ATG5: variants seen among roughly 807,000 people sequenced by gnomAD.
The protein encoded by ATG5 is autophagy related 5, also known as autophagy protein 5.
In ATG5, 14 loss-of-function variants were observed where a neutral mutation model predicts 36.5. The observed-to-expected ratio is 0.38, with a 90% CI of 0.25 to 0.60. The LOEUF is 0.60. Among genes scored for constraint, ATG5 ranks in the 20% least tolerant of loss-of-function variants. The probability of loss-of-function intolerance (pLI) is 0.60; values close to 1 mark genes in which losing one functional copy is unlikely to be tolerated. For missense variants in ATG5, 195 were observed against 326.7 expected (o/e 0.60, Z 3.11); for synonymous variants, 95 against 101.5 (o/e 0.94, Z 0.38).
chr6:106,220,767 A>G (rs758098225), intron 6 of ATG5, among the ~76,000 whole-genome samples: 3 of 151,658 alleles, frequency 2.0e-5, no homozygotes, highest in Non-Finnish European at 4.4e-5. Flanking sequence ...AGAAGAACAG[A>G]AAAAAAAATT....
At chr6:106,210,355 C>A (rs1776808954) in intron 6 of ATG5, among the ~76,000 whole-genome samples, 1 of 152,098 alleles carries the variant, frequency 6.6e-6, no homozygotes, top group Non-Finnish European at 1.5e-5. Context: ...GTAATTATTA[C>A]AATGTATAAA....
intron 7 of ATG5, among the ~76,000 whole-genome samples, chr6:106,195,264 A>G (rs969663043): frequency 2.0e-5 from 3 of 152,244 alleles, no homozygotes; most frequent in Admixed American, 6.5e-5. Context: ...ATGGTGCCAC[A>G]TAACTTTTAT....
At chr6:106,193,112 C>A (rs1268879973) in intron 7 of ATG5, among the ~76,000 whole-genome samples, 2 of 152,146 alleles carry the variant, frequency 1.3e-5, no homozygotes. Flanking sequence ...ATCTTAAGAG[C>A]ACACTACATG....
At chr6:106,235,771 T>C (rs1777876681) in intron 6 of ATG5, among the ~76,000 whole-genome samples, 1 of 96,000 alleles carries the variant, frequency 1.0e-5, no homozygotes, top group African/African-American at 5.9e-5. Context: ...TCCCTTTGTA[T>C]GGGAGCTCTC....
rs559188985 is a variant in ATG5 at position 106,211,370 on chromosome 6, C to T, written c.574-9281G>A. On this transcript the variant is annotated intron_variant, in intron 6 of 7. Coordinates refer to ENST00000369076, the MANE Select transcript of ATG5 (RefSeq NM_004849.4). ...GTGCTGGGGGAGTCTCCTACGGACA[C>T]AGCAGGCAGAATGTAACAATGACAA... Among the ~76,000 whole-genome samples the T allele has an allele frequency of 2.0e-5, 3 of 152,298 alleles. No individual in the cohort carries two copies. The South Asian group carries it at 6.2e-4, about 32-fold the overall frequency.
At chr6:106,242,772 A>G (rs531599425) in intron 6 of ATG5, among the ~76,000 whole-genome samples, 4 of 152,338 alleles carry the variant, frequency 2.6e-5, no homozygotes, top group East Asian at 1.9e-4. Flanking sequence ...ATTAAAAGCA[A>G]TAATATTCAG....
intron 6 of ATG5, among the ~76,000 whole-genome samples, chr6:106,238,929 G>T (rs1348575003): frequency 6.6e-6 from 1 of 152,066 alleles, no homozygotes; most frequent in South Asian, 2.1e-4. Flanking sequence ...AAAGTGGAGG[G>T]GGGGAACCCA....
intron 7 of ATG5, among the ~76,000 whole-genome samples, chr6:106,198,811 A>G (rs1307256568): frequency 6.6e-6 from 1 of 152,112 alleles, no homozygotes; most frequent in Non-Finnish European, 1.5e-5. Flanking sequence ...AAAGAGAGAA[A>G]GAAAATGAAG....
At chr6:106,283,791 C>T (rs1350524987) in intron 4 of ATG5, 7 of 152,166 alleles carry the variant, frequency 4.6e-5, no homozygotes, top group Non-Finnish European at 1.0e-4. Context: ...TTTAAAATTA[C>T]AAATCAAAGT....
chr6:106,287,711 C>G (rs1582656681), intron 4 of ATG5, among the ~76,000 whole-genome samples: 2 of 152,134 alleles, frequency 1.3e-5, no homozygotes, highest in East Asian at 3.9e-4. Flanking sequence ...CACCTGATGT[C>G]ATTAAACTTT....
chr6:106,251,661 A>AGGGAGGG (rs1562237616), intron 5 of ATG5, among the ~76,000 whole-genome samples: 1 of 1,408 alleles, frequency 7.1e-4, no homozygotes. Context: ...GGGAGGGAGG[A>AGGGAGGG]AGGGAGGGGG....
chr6:106,216,644 A>T (rs1219048785), intron 6 of ATG5, among the ~76,000 whole-genome samples: 1 of 152,156 alleles, frequency 6.6e-6, no homozygotes, highest in Non-Finnish European at 1.5e-5. Context: ...AAATGTTCTG[A>T]AATTTTATCA....
rs549368812 is a variant in ATG5, at chr6:106,198,425, A to T, written c.691+3547T>A. On this transcript the variant is annotated intron_variant, in intron 7 of 7. Coordinates refer to ENST00000369076, the MANE Select transcript of ATG5 (RefSeq NM_004849.4). ...GTTATTTAACTGAACACAATCCATT[A>T]AAAAAAACTTGATAGACAGGAATTC... Among the ~76,000 whole-genome samples the T allele has an allele frequency of 2.2e-4, 33 of 152,184 alleles. 1 individual carries two copies. In the South Asian group the frequency reaches 6.8e-3, roughly 32 times the overall value.
chr6:106,237,979 C>T (rs1701050329), intron 6 of ATG5, among the ~76,000 whole-genome samples: 1 of 152,140 alleles, frequency 6.6e-6, no homozygotes, highest in Admixed American at 6.6e-5. Flanking sequence ...ATGAAATTAA[C>T]TTCATAGACT....
chr6:106,235,157 T>C (rs972201969), intron 6 of ATG5, among the ~76,000 whole-genome samples: 3 of 152,100 alleles, frequency 2.0e-5, no homozygotes, highest in African/African-American at 7.2e-5. Context: ...CTTCTTAGGA[T>C]CTCTAGCAGC....
intron 7 of ATG5, among the ~76,000 whole-genome samples, chr6:106,200,650 T>G (rs1776390935): frequency 1.3e-5 from 2 of 152,158 alleles, no homozygotes; most frequent in Admixed American, 1.3e-4. Flanking sequence ...TGATTTTTTT[T>G]GTGTGTTTTT....
chr6:106,323,252 GA>G (rs1197360671), intron 1 of ATG5, among the ~76,000 whole-genome samples: 3 of 141,670 alleles, frequency 2.1e-5, no homozygotes, highest in African/African-American at 7.8e-5. Flanking sequence ...TCGCTAAGTG[GA>G]AAAGTCCTTT....
chr6:106,224,319 C>A (rs1456348177), intron 6 of ATG5, among the ~76,000 whole-genome samples: 1 of 152,162 alleles, frequency 6.6e-6, no homozygotes, highest in East Asian at 1.9e-4. Flanking sequence ...TAAAATAGTT[C>A]ATCTAGAAGA....
intron 5 of ATG5, among the ~76,000 whole-genome samples, chr6:106,255,615 T>A (rs965982828): frequency 2.0e-5 from 3 of 152,194 alleles, no homozygotes; most frequent in Admixed American, 1.3e-4. Context: ...AATTATCGTA[T>A]TCTAACCAAT....
Sources: allele counts gnomAD v4.1 joint callset (sites outside exome capture counted in the v4.1 genomes callset), GRCh38; gene constraint gnomAD v4.1.1; transcripts MANE v1.5; gene names NCBI Gene and HGNC (gene_info 2026-07-23, HGNC 2026-07-21).